The following LRRC4C variants were observed in gnomAD, a reference collection of about 807,000 sequenced individuals.
LRRC4C encodes leucine-rich repeat-containing protein 4C.
In LRRC4C, 5 loss-of-function variants were observed where a neutral mutation model predicts 33.6. The ratio of observed to expected loss-of-function variants is 0.15; its 90% confidence interval spans 0.08 to 0.31. The LOEUF is 0.31. Among genes scored for constraint, LRRC4C ranks in the 10% least tolerant of loss-of-function variants. The pLI, the probability that LRRC4C is intolerant of heterozygous loss-of-function variation, is 1.00. For synonymous variants in LRRC4C, 329 were observed against 302.0 expected (o/e 1.09, Z -0.93); for missense variants, 560 against 796.7 (o/e 0.70, Z 3.58).
chr11:40,508,503 C>T (rs1337705526), intron 3 of LRRC4C, among the ~76,000 whole-genome samples: 9 of 146,350 alleles, frequency 6.1e-5, no homozygotes, highest in African/African-American at 1.9e-4. Context: ...AAAAAAAAAC[C>T]TGCCTTGTCA....
At chr11:41,161,218 T>C (rs937398816) in intron 1 of LRRC4C, among the ~76,000 whole-genome samples, 3 of 152,218 alleles carry the variant, frequency 2.0e-5, no homozygotes, top group African/African-American at 7.2e-5. Flanking sequence ...AGAAATGTTA[T>C]GTCCCATATG....
chr11:40,945,433 A>T (rs1958354727), intron 1 of LRRC4C, among the ~76,000 whole-genome samples: 1 of 152,152 alleles, frequency 6.6e-6, no homozygotes, highest in African/African-American at 2.4e-5. Flanking sequence ...CTAACTTACC[A>T]TAGGAATTAA....
chr11:41,054,527 T>C (rs1377840074), intron 1 of LRRC4C, among the ~76,000 whole-genome samples: 4 of 152,170 alleles, frequency 2.6e-5, no homozygotes, highest in African/African-American at 9.7e-5. Flanking sequence ...TCTTTACCCA[T>C]CTGACAAGAT....
At chr11:41,198,016 T>G (rs1308040391) in intron 1 of LRRC4C, among the ~76,000 whole-genome samples, 1 of 151,994 alleles carries the variant, frequency 6.6e-6, no homozygotes, top group Non-Finnish European at 1.5e-5. Context: ...TGATTTTTTC[T>G]AACTTAGAAA....
intron 3 of LRRC4C, among the ~76,000 whole-genome samples, chr11:40,402,531 C>A (rs1039189236): frequency 6.6e-5 from 10 of 152,154 alleles, no homozygotes; most frequent in Non-Finnish European, 1.2e-4. Context: ...CCAACTGATA[C>A]ATATAGTAGT....
intron 5 of LRRC4C, among the ~76,000 whole-genome samples, chr11:40,214,809 A>T (rs1863857307): frequency 6.6e-6 from 1 of 152,190 alleles, no homozygotes; most frequent in South Asian, 2.1e-4. Flanking sequence ...GCCCAGGCAG[A>T]CTAATTCACT....
At chr11:41,188,918 A>AG (rs1945823990) in intron 1 of LRRC4C, among the ~76,000 whole-genome samples, 1 of 141,322 alleles carries the variant, frequency 7.1e-6, no homozygotes, top group African/African-American at 2.6e-5. Flanking sequence ...CCCCCAAAAA[A>AG]AAGTATAATT....
intron 2 of LRRC4C, among the ~76,000 whole-genome samples, chr11:40,903,767 A>G (rs2136209357): frequency 6.6e-6 from 1 of 152,314 alleles, no homozygotes; most frequent in East Asian, 1.9e-4. Context: ...ACTGGAATCA[A>G]TGATAATTTA....
chr11:40,904,313 T>C (rs1179408678), intron 2 of LRRC4C, among the ~76,000 whole-genome samples: 2 of 152,058 alleles, frequency 1.3e-5, no homozygotes, highest in East Asian at 3.9e-4. Flanking sequence ...CCCAAACCAA[T>C]TAATGACTAA....
At chr11:41,107,929 T>C (rs1314655719) in intron 1 of LRRC4C, among the ~76,000 whole-genome samples, 1 of 148,136 alleles carries the variant, frequency 6.8e-6, no homozygotes, top group African/African-American at 2.5e-5. Context: ...AGAGCGAGAG[T>C]CCATCTCAAA....
intron 2 of LRRC4C, among the ~76,000 whole-genome samples, chr11:40,834,911 GACACACAC>G (rs10682975): frequency 1.2e-3 from 103 of 84,934 alleles, no homozygotes; most frequent in African/African-American, 2.7e-3. Context: ...CAGACAGACA[GACACACAC>G]ACACACACAC....
intron 3 of LRRC4C, among the ~76,000 whole-genome samples, chr11:40,346,017 C>T (rs1369532777): frequency 6.6e-6 from 1 of 152,060 alleles, no homozygotes; most frequent in Non-Finnish European, 1.5e-5. Flanking sequence ...TCACACCAGT[C>T]AGAATGGCTG....
chr11:40,718,015 A>C (rs1288256262), intron 2 of LRRC4C, among the ~76,000 whole-genome samples: 5 of 152,206 alleles, frequency 3.3e-5, no homozygotes, highest in African/African-American at 1.2e-4. Flanking sequence ...ATGTACAAAA[A>C]CCAGCAATGA....
chr11:41,148,397 T>G (rs1484182486), intron 1 of LRRC4C, among the ~76,000 whole-genome samples: 1 of 151,968 alleles, frequency 6.6e-6, no homozygotes, highest in Non-Finnish European at 1.5e-5. Flanking sequence ...TCTAAATAAG[T>G]AAATTAAAAA....
At chr11:40,485,157 C>A (rs1028853333) in intron 3 of LRRC4C, among the ~76,000 whole-genome samples, 1 of 151,878 alleles carries the variant, frequency 6.6e-6, no homozygotes, top group Non-Finnish European at 1.5e-5. Context: ...CTTAAAGAAG[C>A]ATTTACTGGC....
chr11:40,204,337 A>T (rs183284655), intron 5 of LRRC4C, among the ~76,000 whole-genome samples: 1 of 152,190 alleles, frequency 6.6e-6, no homozygotes, highest in South Asian at 2.1e-4. Flanking sequence ...CCTTTCCTTC[A>T]GCTTGCCTAA....
intron 1 of LRRC4C, among the ~76,000 whole-genome samples, chr11:40,958,182 T>C (rs928607494): frequency 6.6e-6 from 1 of 151,702 alleles, no homozygotes; most frequent in Admixed American, 6.6e-5. Context: ...GAGAAATAAC[T>C]ATCTGTTGCT....
chr11:40,260,220 AGCC>A (rs1286610245), intron 4 of LRRC4C, among the ~76,000 whole-genome samples: 2 of 123,844 alleles, frequency 1.6e-5, no homozygotes, highest in African/African-American at 6.2e-5. Flanking sequence ...AATACTATGC[AGCC>A]ATAAAAAATG....
chr11:41,219,670 A>G (rs11036295), intron 1 of LRRC4C, among the ~76,000 whole-genome samples: 6,276 of 152,334 alleles, frequency 0.041, 193 homozygotes, highest in African/African-American at 0.083. Flanking sequence ...ACAATAGATT[A>G]GAAATTTTAG....
Sources: gnomAD v4.1 joint callset for allele counts (sites outside exome capture counted in the v4.1 genomes callset) on GRCh38, gnomAD v4.1.1 for gene constraint, MANE v1.5 for transcripts, NCBI Gene and HGNC (gene_info 2026-07-23, HGNC 2026-07-21) for gene names.